Variants in TRAPPC10 observed in about 807,000 individuals in gnomAD.
The protein encoded by TRAPPC10 is trafficking protein particle complex subunit 10, also known as TRAPP 130 kDa subunit.
In TRAPPC10, 23 loss-of-function variants were observed where a neutral mutation model predicts 125.5. That is an observed-to-expected ratio of 0.18 (90% CI 0.13 to 0.26). The LOEUF is 0.26. Ranked by LOEUF, TRAPPC10 falls within the 10% of genes least tolerant of loss-of-function variation. The pLI, the probability that TRAPPC10 is intolerant of heterozygous loss-of-function variation, is 1.00. For synonymous variants in TRAPPC10, 509 were observed against 518.0 expected (o/e 0.98, Z 0.24); for missense variants, 1,123 against 1,308.4 (o/e 0.86, Z 2.19).
chr21:44,015,067 C>T (rs1340091266), intron 1 of TRAPPC10, among the ~76,000 whole-genome samples: 3 of 152,046 alleles, frequency 2.0e-5, no homozygotes, highest in Non-Finnish European at 2.9e-5. Context: ...GCTAATTAAC[C>T]CTTAACTTTT....
rs748944635 is a variant in TRAPPC10, at chr21:44,082,906, C to T, written c.1842C>T (p.Ser614=). The T allele has an allele frequency of 3.0e-5, 48 of 1,614,100 alleles. No individual in the cohort carries two copies. The Admixed American group carries it at 6.2e-4, about 21-fold the overall frequency. ...TGTGCGTTGAGATAACCATGTACAG[C>T]CAGATGCCTGTGCCTGTTCACGTGG... ...GVLCVEITMY[S]QMPVPVHVEQ... The change falls in exon 14 of 23, where the codon AGC becomes AGT. Residue 614 remains serine, a synonymous_variant. Coordinates refer to ENST00000291574, the MANE Select transcript of TRAPPC10 (RefSeq NM_003274.5). The surrounding 1 kb of genome is among the most constrained non-coding windows in gnomAD (Gnocchi z 4.4).
chr21:44,076,264 A>C (rs993070424), intron 9 of TRAPPC10, among the ~76,000 whole-genome samples: 1 of 152,272 alleles, frequency 6.6e-6, no homozygotes. Context: ...ATTTCAGATC[A>C]CTTCGGAAGT....
chr21:44,023,110 G>A (rs2032712798), intron 1 of TRAPPC10, among the ~76,000 whole-genome samples: 2 of 131,324 alleles, frequency 1.5e-5, no homozygotes, highest in African/African-American at 3.1e-5. Flanking sequence ...TTGGCTCACT[G>A]CAAGTTCCAC....
chr21:44,072,159 A>G (rs2036914326), intron 7 of TRAPPC10, among the ~76,000 whole-genome samples: 1 of 152,256 alleles, frequency 6.6e-6, no homozygotes, highest in Non-Finnish European at 1.5e-5. Flanking sequence ...TAATCATGCC[A>G]TGCAGTAATT....
In TRAPPC10 at chr21:44,094,153, G is replaced by A; in HGVS notation, c.3088G>A (p.Gly1030Arg). ...TTCTCTGCATTGCCGGTTCTCTGTT[G>A]GATTTTCCCCAGCTTCTGAGGAACA... The part of the protein sequence containing the change: ...PPSLHCRFSV[G>R]FSPASEEQLS... Residue 1030 changes from glycine to arginine, a missense_variant, in exon 20 of 23, where the codon GGA becomes AGA. By Grantham distance (125) the Gly-to-Arg change is moderately radical. Around this residue, in one of 4 missense-constraint regions of TRAPPC10, gnomAD observed 840 missense variants for 902.0 expected, o/e 0.93. Transcript: ENST00000291574. The A allele has an allele frequency of 6.2e-7, 1 of 1,614,138 alleles. No individual in the cohort carries two copies. Among genetic ancestry groups the A allele is most frequent in the Non-Finnish European group, 8.5e-7 (1 of 1,180,026 alleles).
intron 3 of TRAPPC10, among the ~76,000 whole-genome samples, chr21:44,048,390 G>A (rs1313107214): frequency 6.6e-6 from 1 of 152,192 alleles, no homozygotes; most frequent in Non-Finnish European, 1.5e-5. Context: ...ATCTCTGAGT[G>A]TTGAGGGGAG....
Position 44,027,342 on chromosome 21 carries a change from TA to T in TRAPPC10, c.68-4747del, listed in dbSNP as rs142512649. ...TGATCCTTTTATACTTTTGTATGAG[TA>T]AGACCATCACGGCTTTGCACGTTCA... On this transcript the variant is annotated intron_variant, in intron 1 of 22. Coordinates refer to ENST00000291574, the MANE Select transcript of TRAPPC10 (RefSeq NM_003274.5). Among the ~76,000 whole-genome samples, 688 of 152,360 alleles carry T rather than the reference TA, an allele frequency of 4.5e-3. 6 individuals are homozygous for T. Among genetic ancestry groups the T allele is most frequent in the African/African-American group, 0.015 (644 of 41,584 alleles).
intron 3 of TRAPPC10, among the ~76,000 whole-genome samples, chr21:44,043,095 C>A (rs1051472337): frequency 6.6e-6 from 1 of 151,872 alleles, no homozygotes; most frequent in Admixed American, 6.6e-5. Flanking sequence ...TCTCCACTTA[C>A]TGGGAATGTC....
chr21:44,015,951 T>A (rs2031792605), intron 1 of TRAPPC10, among the ~76,000 whole-genome samples: 2 of 152,304 alleles, frequency 1.3e-5, no homozygotes, highest in South Asian at 4.1e-4. Flanking sequence ...TAATTAAACC[T>A]CCTGCCTAAC....
intron 18 of TRAPPC10, among the ~76,000 whole-genome samples, chr21:44,090,269 C>T (rs1234235185): frequency 2.6e-5 from 4 of 152,178 alleles, no homozygotes; most frequent in Admixed American, 6.5e-5. Context: ...TTCCTCTGGA[C>T]GCCCGCCTTT....
chr21:44,087,774 C>T lies in TRAPPC10; in HGVS notation c.2615C>T (p.Ala872Val), dbSNP rs781516067. ...AGCATCAGTCTGCCTGTTGCGCCTG[C>T]GTACCACGTGATCGAATTTGAACTG... ...VTSISLPVAPAYHVIEFELEV... is the reference protein window; with the variant it reads ...VTSISLPVAPVYHVIEFELEV... The change falls in exon 17 of 23, where the codon GCG becomes GTG. Residue 872 changes from alanine to valine, a missense_variant. Transcript: ENST00000291574. The surrounding 1 kb of genome is among the most constrained non-coding windows in gnomAD (Gnocchi z 4.6). The T allele has an allele frequency of 5.0e-6, 8 of 1,614,096 alleles. No individual in the cohort carries two copies. The highest frequency in any genetic ancestry group is 3.3e-5 in the South Asian group (3 of 91,092).
chr21:44,039,418 GT>G (rs2034252732), intron 3 of TRAPPC10, among the ~76,000 whole-genome samples: 1 of 152,224 alleles, frequency 6.6e-6, no homozygotes, highest in Admixed American at 6.5e-5. Context: ...ATACCAAGAT[GT>G]TTTAGGTTCT....
At chr21:44,057,978 T>C (rs1306903798) in intron 5 of TRAPPC10, among the ~76,000 whole-genome samples, 1 of 152,254 alleles carries the variant, frequency 6.6e-6, no homozygotes, top group Non-Finnish European at 1.5e-5. Context: ...GGCAATCACC[T>C]GTTGCCCTCT....
chr21:44,057,795 C>G (rs1010896768), intron 5 of TRAPPC10, among the ~76,000 whole-genome samples: 1 of 152,224 alleles, frequency 6.6e-6, no homozygotes, highest in African/African-American at 2.4e-5. Flanking sequence ...GGAGAGCTCT[C>G]AGTTCTCACC....
intron 3 of TRAPPC10, among the ~76,000 whole-genome samples, chr21:44,044,898 G>A (rs1365999896): frequency 2.0e-5 from 3 of 151,838 alleles, no homozygotes; most frequent in Non-Finnish European, 4.4e-5. Context: ...ACTCCTGACC[G>A]CAGGTGATCT....
At chr21:44,017,984 T>C (rs1301445469) in intron 1 of TRAPPC10, among the ~76,000 whole-genome samples, 1 of 152,126 alleles carries the variant, frequency 6.6e-6, no homozygotes, top group East Asian at 1.9e-4. Context: ...CCCGTGCTGT[T>C]AGTGTTATTA....
At chr21:44,012,956 G>A (rs2031328940) in intron 1 of TRAPPC10, among the ~76,000 whole-genome samples, 1 of 152,204 alleles carries the variant, frequency 6.6e-6, no homozygotes, top group Non-Finnish European at 1.5e-5. Flanking sequence ...TTGCCCGCGG[G>A]CGCCCTTTCC....
At chr21:44,081,442 A>T (rs1224601450) in intron 13 of TRAPPC10, among the ~76,000 whole-genome samples, 1 of 151,954 alleles carries the variant, frequency 6.6e-6, no homozygotes, top group Non-Finnish European at 1.5e-5. Context: ...TACAGATGTG[A>T]GCCACCATGC....
rs1569144153 is a variant in TRAPPC10, at chr21:44,025,833, TGTG to T, written c.68-6257_68-6255del. Among the ~76,000 whole-genome samples the T allele has an allele frequency of 7.3e-4, 40 of 54,738 alleles. 1 individual carries two copies. Among genetic ancestry groups the T allele is most frequent in the Non-Finnish European group, 9.5e-4 (29 of 30,542 alleles). The allele number at this position is 54,738 out of a possible 152,430, so 35.9% of individuals were successfully genotyped here. ...AGCAGAGGGCAGGGGTGTGTGTGTGTGTGTGTGTGTGTGTGTGTGTGTGTGTGT... is the reference window on the plus strand; with the variant it reads ...AGCAGAGGGCAGGGGTGTGTGTGTGTTGTGTGTGTGTGTGTGTGTGTGTGT... On this transcript the variant is annotated intron_variant, in intron 1 of 22. Transcript: ENST00000291574.
Sources: allele counts gnomAD v4.1 joint callset (sites outside exome capture counted in the v4.1 genomes callset), GRCh38; gene constraint gnomAD v4.1.1; regional missense constraint gnomAD v4.1.1; non-coding constraint Gnocchi (gnomAD v3.1); transcripts MANE v1.5; gene names NCBI Gene and HGNC (gene_info 2026-07-23, HGNC 2026-07-21).